MAP1B: variants seen among roughly 807,000 people sequenced by gnomAD.
The protein encoded by MAP1B is microtubule-associated protein 1B.
Under a neutral mutation model 176.1 loss-of-function variants are expected in MAP1B, and 12 were observed. That is an observed-to-expected ratio of 0.07 (90% CI 0.04 to 0.11). The LOEUF (loss-of-function observed/expected upper bound fraction) is 0.11, where lower values mean the gene tolerates loss of function less well. Ranked by LOEUF, MAP1B falls within the 10% of genes least tolerant of loss-of-function variation. MAP1B has a pLI of 1.00. For missense variants in MAP1B, 2,523 were observed against 2,990.5 expected (o/e 0.84, Z 3.65); for synonymous variants, 1,044 against 1,135.0 (o/e 0.92, Z 1.61).
intron 2 of MAP1B, among the ~76,000 whole-genome samples, chr5:72,155,750 T>C (rs1746216946): frequency 6.6e-6 from 1 of 151,376 alleles, no homozygotes; most frequent in Non-Finnish European, 1.5e-5. Flanking sequence ...GGTAATTGAT[T>C]GATTGATTTT....
intron 2 of MAP1B, among the ~76,000 whole-genome samples, chr5:72,181,823 G>A (rs78634733): frequency 0.035 from 5,260 of 151,194 alleles, 302 homozygotes; most frequent in African/African-American, 0.12. Flanking sequence ...CTGGGTTCAC[G>A]CGATTCTCCT....
chr5:72,208,046 A>G lies in MAP1B; in HGVS notation c.*2807A>G, dbSNP rs1277748010. The G allele has an allele frequency of 1.5e-5, 2 of 130,084 alleles. No individual in the cohort carries two copies. The highest frequency in any genetic ancestry group is 3.3e-5 in the African/African-American group (1 of 30,068). 8.1% of individuals were successfully genotyped at this position (130,084 alleles called of 1,614,324 possible). A position where few individuals can be genotyped will look rare whatever the true frequency, so the allele number is the denominator to read the frequency against. On this transcript the variant is annotated 3_prime_UTR_variant, in exon 7 of 7. Coordinates refer to ENST00000296755, the MANE Select transcript of MAP1B (RefSeq NM_005909.5). Reference sequence around the variant, plus strand: ...CACTAGTCAGCTGGCTCTTTTTCCTATGAAATCTATCAGTACCTTTCTCCA... The same window carrying G: ...CACTAGTCAGCTGGCTCTTTTTCCTGTGAAATCTATCAGTACCTTTCTCCA...
chr5:72,108,687 C>A (rs924295930), intron 1 of MAP1B, among the ~76,000 whole-genome samples: 1 of 152,106 alleles, frequency 6.6e-6, no homozygotes, highest in African/African-American at 2.4e-5. Flanking sequence ...ACACCTGCCC[C>A]CCCACACTGC....
Position 72,195,802 on chromosome 5 carries a change from C to G in MAP1B, c.2447C>G (p.Ala816Gly). ...GTCATGGCGGCAGCTGGAATAGCAG[C>G]CATTGGCCCTGCCAAAGAACTCGAA... ...AAVMAAAGIAAIGPAKELEAE... is the reference protein window; with the variant it reads ...AAVMAAAGIAGIGPAKELEAE... The change falls in exon 5 of 7, where the codon GCC becomes GGC. Residue 816 changes from alanine to glycine, a missense_variant. Around this residue, in one of 4 missense-constraint regions of MAP1B, gnomAD observed 1,925 missense variants for 2,126.0 expected, o/e 0.91. Coordinates refer to ENST00000296755, the MANE Select transcript of MAP1B (RefSeq NM_005909.5). The G allele has an allele frequency of 6.2e-7, 1 of 1,614,238 alleles. No individual in the cohort carries two copies. The highest frequency in any genetic ancestry group is 8.5e-7 in the Non-Finnish European group (1 of 1,180,038).
At chr5:72,158,719 C>T (rs62363206) in intron 2 of MAP1B, among the ~76,000 whole-genome samples, 9,233 of 152,150 alleles carry the variant, frequency 0.061, 326 homozygotes, top group Non-Finnish European at 0.07. Flanking sequence ...TAATAAAAAG[C>T]TGGTGCCCTT....
intron 2 of MAP1B, among the ~76,000 whole-genome samples, chr5:72,125,611 A>G (rs1401057032): frequency 1.3e-5 from 2 of 152,240 alleles, no homozygotes; most frequent in Non-Finnish European, 2.9e-5. Context: ...CCAGTCTATA[A>G]TAAGTGCCAA....
intron 2 of MAP1B, among the ~76,000 whole-genome samples, chr5:72,161,273 G>C (rs77074331): frequency 5.4e-4 from 82 of 152,306 alleles, no homozygotes; most frequent in African/African-American, 1.9e-3. Context: ...CTATACCCTG[G>C]TTTTCCATGT....
chr5:72,175,530 G>A (rs1431228945), intron 2 of MAP1B, among the ~76,000 whole-genome samples: 2 of 152,156 alleles, frequency 1.3e-5, no homozygotes, highest in African/African-American at 4.8e-5. Flanking sequence ...CTTTCAGCCA[G>A]AGGATAAAAC....
chr5:72,204,608 CAT>C lies in MAP1B; in HGVS notation c.7252-474_7252-473del, dbSNP rs1747403545. On this transcript the variant is annotated intron_variant, in intron 6 of 6. Coordinates refer to ENST00000296755, the MANE Select transcript of MAP1B (RefSeq NM_005909.5). This position sits in a 1 kb window ranked among gnomAD's most constrained non-coding sequence, Gnocchi z 4.4. ...TATTCAGGACATTACTTACCCACCC[CAT>C]ACCTCCATCCCCAACCACACACATA... 6.6e-6 allele frequency among the ~76,000 whole-genome samples: 1 copy of C among 152,218 alleles called. No individual in the cohort carries two copies. Among genetic ancestry groups the C allele is most frequent in the South Asian group, 2.1e-4 (1 of 4,828 alleles).
At chr5:72,146,716 C>A (rs1746050970) in intron 2 of MAP1B, among the ~76,000 whole-genome samples, 3 of 152,128 alleles carry the variant, frequency 2.0e-5, no homozygotes, top group Non-Finnish European at 2.9e-5. Context: ...ATTCTGAAGA[C>A]CCTCAAATAC....
intron 2 of MAP1B, among the ~76,000 whole-genome samples, chr5:72,141,773 A>C (rs1214602894): frequency 6.6e-6 from 1 of 152,240 alleles, no homozygotes. Context: ...AAAAAAGAAA[A>C]AAAAGCCTAA....
intron 4 of MAP1B, among the ~76,000 whole-genome samples, chr5:72,191,210 A>G (rs1419128531): frequency 1.3e-5 from 2 of 152,248 alleles, no homozygotes; most frequent in South Asian, 2.1e-4. Context: ...CTAAGATACA[A>G]AGATACAGAA....
At chr5:72,134,513 ATTAAGAAGAATT>A (rs1201153047) in intron 2 of MAP1B, among the ~76,000 whole-genome samples, 2 of 129,562 alleles carry the variant, frequency 1.5e-5, no homozygotes, top group African/African-American at 5.1e-5. Flanking sequence ...TTTCATTTTC[ATTAAGAAGAATT>A]TGGTTTTGCT....
At chr5:72,153,688 T>G (rs1005202378) in intron 2 of MAP1B, among the ~76,000 whole-genome samples, 2 of 152,168 alleles carry the variant, frequency 1.3e-5, no homozygotes, top group Non-Finnish European at 2.9e-5. Flanking sequence ...TTTCCCTTCT[T>G]GATTCTCTGG....
chr5:72,184,887 T>C (rs1165843883), intron 3 of MAP1B, among the ~76,000 whole-genome samples: 1 of 152,198 alleles, frequency 6.6e-6, no homozygotes, highest in Non-Finnish European at 1.5e-5. Flanking sequence ...TTAGTGTATT[T>C]ACAAAGTTTT....
intron 5 of MAP1B, among the ~76,000 whole-genome samples, chr5:72,200,770 C>T (rs1747317332): frequency 6.6e-6 from 1 of 152,120 alleles, no homozygotes. Context: ...TAAGGAGAAC[C>T]AGAGGTTTCA....
rs922677672 is a variant in MAP1B at position 72,206,375 on chromosome 5, G to C, written c.*1136G>C. On this transcript the variant is annotated 3_prime_UTR_variant, in exon 7 of 7. Transcript: ENST00000296755. Reference sequence around the variant, plus strand: ...GTCATGCGTGTTGAATCCCACTTCAGTGCACCTGTGGCCTCTCAGTCAAAC... The same window carrying C: ...GTCATGCGTGTTGAATCCCACTTCACTGCACCTGTGGCCTCTCAGTCAAAC... 6.5e-6 allele frequency: 1 copy of C among 152,770 alleles called. No homozygotes were observed. The highest frequency in any genetic ancestry group is 2.1e-4 in the South Asian group (1 of 4,828). 9.5% of individuals were successfully genotyped at this position (152,770 alleles called of 1,614,324 possible).
chr5:72,165,753 C>T (rs534447791), intron 2 of MAP1B, among the ~76,000 whole-genome samples: 18 of 152,250 alleles, frequency 1.2e-4, no homozygotes, highest in Admixed American at 1.1e-3. Flanking sequence ...ATAAAATATG[C>T]ATTACTATTA....
At chr5:72,139,577 G>A (rs149833589) in intron 2 of MAP1B, among the ~76,000 whole-genome samples, 5 of 152,284 alleles carry the variant, frequency 3.3e-5, no homozygotes, top group Non-Finnish European at 7.3e-5. Flanking sequence ...AGAGGTGTCC[G>A]AAGTCATCTT....
Sources: allele counts gnomAD v4.1 joint callset (sites outside exome capture counted in the v4.1 genomes callset), GRCh38; gene constraint gnomAD v4.1.1; regional missense constraint gnomAD v4.1.1; non-coding constraint Gnocchi (gnomAD v3.1); transcripts MANE v1.5; gene names NCBI Gene and HGNC (gene_info 2026-07-23, HGNC 2026-07-21).